ANAPC4: variants seen among roughly 807,000 people sequenced by gnomAD.
The protein encoded by ANAPC4 is anaphase promoting complex subunit 4.
A neutral mutation model predicts 119.8 loss-of-function variants in ANAPC4; 63 were observed. The ratio of observed to expected loss-of-function variants is 0.53; its 90% CI spans 0.43 to 0.65. The LOEUF (loss-of-function observed/expected upper bound fraction) is 0.65. Among genes scored for constraint, ANAPC4 ranks in the 30% least tolerant of loss-of-function variants. The probability of loss-of-function intolerance (pLI) is 0.00; values close to 1 mark genes in which losing one functional copy is unlikely to be tolerated. For missense variants in ANAPC4, 716 were observed against 945.1 expected, an observed-to-expected ratio of 0.76 and a Z score of 3.18; for synonymous variants, 283 against 318.6, an observed-to-expected ratio of 0.89 and a Z score of 1.19.
At chr4:25,380,711 A>G (rs1169325304) in intron 3 of ANAPC4, 4 of 355,366 alleles carry the variant, frequency 1.1e-5, no homozygotes, top group Non-Finnish European at 1.0e-5. Context: ...CTTGGCAAAG[A>G]TAACTCCGAA....
intron 16 of ANAPC4, among the ~76,000 whole-genome samples, chr4:25,401,090 G>C (rs1722938883): frequency 6.6e-6 from 1 of 152,070 alleles, no homozygotes; most frequent in Non-Finnish European, 1.5e-5. Flanking sequence ...TCAAAACTTT[G>C]CTTTCGTTTT....
rs1216720948 is a variant in ANAPC4, at chr4:25,411,590, G to T, written c.1525+1799G>T. 2.6e-5 allele frequency among the ~76,000 whole-genome samples: 4 copies of T among 152,170 alleles called. No individual in the cohort carries two copies. In the East Asian group the frequency reaches 7.7e-4, roughly 29 times the overall value. On this transcript the variant is annotated intron_variant, in intron 21 of 28. Coordinates refer to ENST00000315368, the MANE Select transcript of ANAPC4 (RefSeq NM_013367.3). Reference sequence around the variant, plus strand: ...GTGCTCTGAAAGCTGGATTTTCTGGGTTGGAAGCTGCTCTACTACTTCGTA... The same window carrying T: ...GTGCTCTGAAAGCTGGATTTTCTGGTTTGGAAGCTGCTCTACTACTTCGTA...
At chr4:25,381,430 C>T (rs191617021) in intron 3 of ANAPC4, among the ~76,000 whole-genome samples, 7 of 152,240 alleles carry the variant, frequency 4.6e-5, no homozygotes, top group African/African-American at 1.7e-4. Flanking sequence ...TCTCCCTCAG[C>T]CTCCTGAGTA....
chr4:25,381,362 C>CTCACTGCAACCTTG (rs1721710758), intron 3 of ANAPC4, among the ~76,000 whole-genome samples: 1 of 152,080 alleles, frequency 6.6e-6, no homozygotes, highest in African/African-American at 2.4e-5. Context: ...GGTGCAATCT[C>CTCACTGCAACCTTG]GGCTCACTGC....
chr4:25,391,635 A>G (rs950060052), intron 9 of ANAPC4, among the ~76,000 whole-genome samples: 6 of 152,252 alleles, frequency 3.9e-5, no homozygotes, highest in African/African-American at 9.6e-5. Flanking sequence ...CTGGGCTCCC[A>G]TAGAGTATTT....
chr4:25,418,044 G>A, intron 28 of ANAPC4, 111 bp from the exon 29 acceptor site: 1 of 1,065,602 alleles, frequency 9.4e-7, no homozygotes, highest in Non-Finnish European at 1.4e-6. Flanking sequence ...AAATTGATGG[G>A]AATATAACTT....
chr4:25,389,351 G>T (rs1722214757), intron 7 of ANAPC4, among the ~76,000 whole-genome samples: 1 of 152,162 alleles, frequency 6.6e-6, no homozygotes, highest in Admixed American at 6.5e-5. Flanking sequence ...TAGGGACGGG[G>T]TTTCACCATG....
chr4:25,417,242 A>C (rs1723938386), intron 27 of ANAPC4: 2 of 154,174 alleles, frequency 1.3e-5, no homozygotes, highest in African/African-American at 4.8e-5. Context: ...CTCCTGCCTC[A>C]GCCTCTCATA....
chr4:25,383,793 A>G (rs1186334998), intron 4 of ANAPC4, among the ~76,000 whole-genome samples: 1 of 152,228 alleles, frequency 6.6e-6, no homozygotes, highest in African/African-American at 2.4e-5. Context: ...AAAAAATGCT[A>G]ACGATCATCT....
chr4:25,391,057 T>A, intron 9 of ANAPC4, 42 bp downstream of exon 9: 2 of 1,398,376 alleles, frequency 1.4e-6, no homozygotes, highest in Admixed American at 1.7e-5. Flanking sequence ...TAAATATGTA[T>A]TTAACAGGTT....
At chr4:25,392,285 C>T in intron 9 of ANAPC4, 53 bp from the exon 10 acceptor site, 1 of 1,275,418 alleles carries the variant, frequency 7.8e-7, no homozygotes, top group South Asian at 1.2e-5. Context: ...AAATTACAGA[C>T]TTTGCAGCAA....
At chr4:25,377,387 C>T (rs370977952) in intron 1 of ANAPC4, 31 bp from the exon 2 acceptor site, 2 of 1,608,946 alleles carry the variant, frequency 1.2e-6, no homozygotes, top group African/African-American at 1.3e-5. Context: ...CCGGGGGCTC[C>T]TGCCGGCCTC....
At chr4:25,385,016 T>C (rs1028667467) in intron 4 of ANAPC4, among the ~76,000 whole-genome samples, 1 of 152,220 alleles carries the variant, frequency 6.6e-6, no homozygotes, top group Admixed American at 6.5e-5. Context: ...TGAACCGTGC[T>C]GTAAACAGAT....
At chr4:25,384,068 C>G (rs1013819201) in intron 4 of ANAPC4, among the ~76,000 whole-genome samples, 1 of 152,242 alleles carries the variant, frequency 6.6e-6, no homozygotes, top group Non-Finnish European at 1.5e-5. Context: ...TCTACTGCTG[C>G]TTTATCAACT....
rs781147333 is a variant in ANAPC4, at chr4:25,394,725, G to A, written c.984+12G>A. 1.4e-5 allele frequency: 23 copies of A among 1,604,328 alleles called. No homozygotes were observed. The highest frequency in any genetic ancestry group is 1.9e-5 in the Non-Finnish European group (22 of 1,177,140). ...AGTTAACAGTAAAGGTGCAGTTAAT[G>A]TATCTATGTATTCAAATGGCTATGA... On this transcript the variant is annotated intron_variant, in intron 13 of 28. Coordinates refer to ENST00000315368, the MANE Select transcript of ANAPC4 (RefSeq NM_013367.3).
At chr4:25,386,770 T>C (rs1268018852) in intron 4 of ANAPC4, among the ~76,000 whole-genome samples, 3 of 152,188 alleles carry the variant, frequency 2.0e-5, no homozygotes, top group Non-Finnish European at 2.9e-5. Flanking sequence ...AAAAATGCAG[T>C]ATCTGGGAAG....
chr4:25,402,875 A>G, intron 16 of ANAPC4, 96 bp from the exon 17 acceptor site: 2 of 623,022 alleles, frequency 3.2e-6, no homozygotes, highest in Non-Finnish European at 2.6e-6. Flanking sequence ...ATAAAATAGA[A>G]CAGTAAGGAT....
rs1001792053 is a variant in ANAPC4 at position 25,394,649 on chromosome 4, A to G, written c.942-22A>G. ...GATTTCCAATAGAGAAGTGACTAAAAATACTTTGTTTTTCATTGTAGTGCT... is the reference window on the plus strand; with the variant it reads ...GATTTCCAATAGAGAAGTGACTAAAGATACTTTGTTTTTCATTGTAGTGCT... On this transcript the variant is annotated intron_variant, in intron 12 of 28. Coordinates refer to ENST00000315368, the MANE Select transcript of ANAPC4 (RefSeq NM_013367.3). 3.2e-6 allele frequency: 5 copies of G among 1,578,244 alleles called. No individual in the cohort carries two copies. The African/African-American group carries it at 6.9e-5, about 22-fold the overall frequency.
At chr4:25,399,120 CAT>C (rs911635050) in intron 16 of ANAPC4, among the ~76,000 whole-genome samples, 61 of 152,098 alleles carry the variant, frequency 4.0e-4, no homozygotes, top group African/African-American at 1.2e-3. Context: ...TTTTCTGAAA[CAT>C]GTGAGAGTAT....
Sources: allele counts gnomAD v4.1 joint callset (sites outside exome capture counted in the v4.1 genomes callset), GRCh38; gene constraint gnomAD v4.1.1; transcripts MANE v1.5; gene names NCBI Gene and HGNC (gene_info 2026-07-23, HGNC 2026-07-21).